CNOT1: variants seen among roughly 807,000 people sequenced by gnomAD.
CNOT1 encodes the protein CCR4-NOT transcription complex subunit 1.
A neutral mutation model predicts 273.8 loss-of-function variants in CNOT1; 15 were observed. The observed-to-expected ratio is 0.05, with a 90% confidence interval of 0.04 to 0.08. The LOEUF (loss-of-function observed/expected upper bound fraction) is 0.08, where lower values mean the gene tolerates loss of function less well. CNOT1 is among the 10% of genes least tolerant of loss of function. The probability of loss-of-function intolerance (pLI) is 1.00; values close to 1 mark genes in which losing one functional copy is unlikely to be tolerated. For synonymous variants in CNOT1, 1,022 were observed against 1,005.5 expected, an observed-to-expected ratio of 1.02 and a Z score of -0.31; for missense variants, 1,644 against 2,912.2, an observed-to-expected ratio of 0.56 and a Z score of 10.02.
At chr16:58,572,778 T>A (rs746418772) in intron 16 of CNOT1, among the ~76,000 whole-genome samples, 6 of 151,200 alleles carry the variant, frequency 4.0e-5, no homozygotes, top group Non-Finnish European at 8.9e-5. Context: ...AGGGGTGGCA[T>A]GTCTCTATAG....
At chr16:58,591,964 C>T (rs937283151) in intron 2 of CNOT1, among the ~76,000 whole-genome samples, 2 of 151,768 alleles carry the variant, frequency 1.3e-5, no homozygotes, top group African/African-American at 4.8e-5. Context: ...ATATGTGGCT[C>T]CTAGATCACA....
chr16:58,557,741 C>A (rs1260675582), intron 18 of CNOT1, among the ~76,000 whole-genome samples: 1 of 152,214 alleles, frequency 6.6e-6, no homozygotes, highest in Non-Finnish European at 1.5e-5. Context: ...GTAATCCCAG[C>A]ACTTTGGGGG....
In CNOT1 at chr16:58,595,385, T is replaced by C. The variant is rs1403837337; in HGVS notation, c.102+3851A>G. On this transcript the variant is annotated intron_variant, in intron 2 of 48. Coordinates refer to ENST00000317147, the MANE Select transcript of CNOT1 (RefSeq NM_016284.5). ...AAAAATCTGGCTTGAATTTCCATAATGCCTAACTCTATGATCAAAACTATT... is the reference window on the plus strand; with the variant it reads ...AAAAATCTGGCTTGAATTTCCATAACGCCTAACTCTATGATCAAAACTATT... 1.4e-4 allele frequency among the ~76,000 whole-genome samples: 18 copies of C among 132,262 alleles called. No individual in the cohort carries two copies. In the Admixed American group the frequency reaches 1.5e-3, roughly 11 times the overall value. 86.8% of individuals were successfully genotyped at this position (132,262 alleles called of 152,430 possible). A position where few individuals can be genotyped will look rare whatever the true frequency, so the allele number is the denominator to read the frequency against.
intron 46 of CNOT1, 81 bp from the exon 47 acceptor site, chr16:58,523,583 G>A (rs2151890668): frequency 2.3e-6 from 3 of 1,319,430 alleles, no homozygotes; most frequent in Non-Finnish European, 2.1e-6. Context: ...TAGGGTTTGG[G>A]TTTCTGACAG....
chr16:58,560,473 C>T, intron 16 of CNOT1, 111 bp from the exon 17 acceptor site: 2 of 1,465,624 alleles, frequency 1.4e-6, no homozygotes, highest in Non-Finnish European at 1.8e-6. Flanking sequence ...CACTCTGTCA[C>T]CCAGACTGGA....
intron 40 of CNOT1, among the ~76,000 whole-genome samples, chr16:58,533,916 G>A (rs1329420149): frequency 6.6e-6 from 1 of 152,032 alleles, no homozygotes; most frequent in Non-Finnish European, 1.5e-5. Flanking sequence ...GATCACTCGA[G>A]GCCAGAAGTT....
At position 58,576,676 on chromosome 16, in the gene CNOT1, A is replaced by G. The variant is rs1362223046; in HGVS notation, c.1585-94T>C. 62 of 1,545,550 alleles carry G rather than the reference A, an allele frequency of 4.0e-5. 1 individual carries two copies. In the South Asian group the frequency reaches 7.1e-4, roughly 18 times the overall value. On this transcript the variant is annotated intron_variant, in intron 13 of 48. Coordinates refer to ENST00000317147, the MANE Select transcript of CNOT1 (RefSeq NM_016284.5). ...CAGTTAATTTTGCTAGAACTTGTATAAAAATCAGGTATACCTGTGCTGACA... is the reference window on the plus strand; with the variant it reads ...CAGTTAATTTTGCTAGAACTTGTATGAAAATCAGGTATACCTGTGCTGACA...
At chr16:58,562,849 C>T (rs11862156) in intron 16 of CNOT1, among the ~76,000 whole-genome samples, 114,433 of 152,006 alleles carry the variant, frequency 0.75, 43,466 homozygotes, top group Middle Eastern at 0.86. Flanking sequence ...CAGTAGCAGC[C>T]GTACATGAAC....
At chr16:58,603,861 AAACT>A (rs991373007) in intron 1 of CNOT1, among the ~76,000 whole-genome samples, 3 of 152,154 alleles carry the variant, frequency 2.0e-5, no homozygotes, top group African/African-American at 4.8e-5. Flanking sequence ...CACATCATAT[AAACT>A]AACACATATC....
chr16:58,598,826 C>T (rs1322358426), intron 2 of CNOT1, among the ~76,000 whole-genome samples: 2 of 151,922 alleles, frequency 1.3e-5, no homozygotes, highest in Non-Finnish European at 2.9e-5. Flanking sequence ...CTTTTCGAGG[C>T]CAAGGCGGAT....
intron 17 of CNOT1, 87 bp from the exon 18 acceptor site, chr16:58,558,761 T>C (rs1422578548): frequency 1.5e-5 from 23 of 1,522,940 alleles, no homozygotes; most frequent in Middle Eastern, 2.0e-4. Flanking sequence ...CAGCTCTTCA[T>C]AATCTTAAAA....
intron 6 of CNOT1, 40 bp downstream of exon 6, chr16:58,587,161 A>C: frequency 6.3e-7 from 1 of 1,598,116 alleles, no homozygotes; most frequent in Non-Finnish European, 8.5e-7. Context: ...CACGTATTTT[A>C]AAGTCTCACT....
intron 41 of CNOT1, 71 bp downstream of exon 41, chr16:58,532,161 A>G (rs547299515): frequency 6.2e-7 from 1 of 1,605,636 alleles, no homozygotes; most frequent in African/African-American, 1.3e-5. Flanking sequence ...AATGCTCAAG[A>G]GTTCTACTCC....
intron 24 of CNOT1, 127 bp from the exon 25 acceptor site, chr16:58,550,025 T>C: frequency 7.2e-7 from 1 of 1,395,874 alleles, no homozygotes; most frequent in South Asian, 1.4e-5. Flanking sequence ...AGAATGACTT[T>C]CCTTCACACC....
At chr16:58,535,277 G>A (rs887995355) in intron 39 of CNOT1, among the ~76,000 whole-genome samples, 5 of 152,178 alleles carry the variant, frequency 3.3e-5, no homozygotes, top group Admixed American at 2.6e-4. Context: ...GTTGGACTAC[G>A]ATAATACTGT....
intron 16 of CNOT1, among the ~76,000 whole-genome samples, chr16:58,571,407 A>C (rs1027449215): frequency 6.6e-6 from 1 of 151,880 alleles, no homozygotes; most frequent in Non-Finnish European, 1.5e-5. Flanking sequence ...AGTACAAAAA[A>C]AAATTAGCTG....
chr16:58,591,378 T>C lies in CNOT1; in HGVS notation c.103-2472A>G, dbSNP rs555270443. Among the ~76,000 whole-genome samples, 9 of 152,364 alleles carry C rather than the reference T, an allele frequency of 5.9e-5. No homozygotes were observed. The East Asian group carries it at 9.6e-4, about 16-fold the overall frequency. ...ATCCCGTTATCCTTACATTTGTTTC[T>C]GTAACTCTTAATTTTTTTCCCATGC... On this transcript the variant is annotated intron_variant, in intron 2 of 48. Coordinates refer to ENST00000317147, the MANE Select transcript of CNOT1 (RefSeq NM_016284.5).
intron 16 of CNOT1, among the ~76,000 whole-genome samples, chr16:58,563,314 T>G (rs1294432536): frequency 6.6e-6 from 1 of 152,206 alleles, no homozygotes; most frequent in Non-Finnish European, 1.5e-5. Flanking sequence ...ACTGTATGGG[T>G]TGGTAGCTTA....
chr16:58,536,948 T>A lies in CNOT1; in HGVS notation c.5646+41A>T, dbSNP rs750088178. On this transcript the variant is annotated intron_variant, in intron 39 of 48. Transcript: ENST00000317147. ...TAATATTGGAGGCATCACACCCTAC[T>A]TATGTTGAATAAAAAGCACCTTTCT... 6.8e-6 allele frequency: 11 copies of A among 1,606,760 alleles called. No homozygotes were observed. The South Asian group carries it at 1.2e-4, about 18-fold the overall frequency.
Sources: allele counts gnomAD v4.1 joint callset (sites outside exome capture counted in the v4.1 genomes callset), GRCh38; gene constraint gnomAD v4.1.1; transcripts MANE v1.5; gene names NCBI Gene and HGNC (gene_info 2026-07-23, HGNC 2026-07-21).